The following NPAS2 variants were observed in gnomAD, a reference collection of about 807,000 sequenced individuals.
NPAS2 encodes the protein neuronal PAS domain-containing protein 2.
Under a neutral mutation model 107.5 loss-of-function variants are expected in NPAS2, and 23 were observed. The observed-to-expected ratio is 0.21, with a 90% CI of 0.15 to 0.30. The LOEUF (loss-of-function observed/expected upper bound fraction) is 0.30, where lower values mean the gene tolerates loss of function less well. NPAS2 is among the 10% of genes least tolerant of loss of function. The pLI is 1.00. For synonymous variants in NPAS2, 403 were observed against 417.5 expected (o/e 0.97, Z 0.42); for missense variants, 756 against 1,043.3 (o/e 0.72, Z 3.79).
Position 100,965,819 on chromosome 2 carries a change from G to A in NPAS2, c.907+53G>A. 8.5e-7 allele frequency: 1 copy of A among 1,177,074 alleles called. No individual in the cohort carries two copies. The highest frequency in any genetic ancestry group is 1.3e-6 in the Non-Finnish European group (1 of 794,748). The allele number at this position is 1,177,074 out of a possible 1,614,324, so 72.9% of individuals were successfully genotyped here. On this transcript the variant is annotated intron_variant, in intron 10 of 20. Transcript: ENST00000335681. The surrounding 1 kb of genome is among the most constrained non-coding windows in gnomAD (Gnocchi z 4.3). ...GGGGGCCTTGCGTTCACTCCACTGG[G>A]GCCCAGCAGCAGGGCTCTGGGACTC...
chr2:100,957,915 G>A (rs577098414), intron 7 of NPAS2, among the ~76,000 whole-genome samples: 3 of 152,056 alleles, frequency 2.0e-5, no homozygotes, highest in Non-Finnish European at 4.4e-5. Flanking sequence ...GCGACAGAGC[G>A]AAACTCAGTC....
chr2:100,904,840 G>T (rs1682037329), intron 2 of NPAS2, 54 bp downstream of exon 2: 5 of 1,358,226 alleles, frequency 3.7e-6, no homozygotes. Flanking sequence ...CCGGGGGTCT[G>T]CCTGGCAGAA....
At chr2:100,849,943 T>G (rs1678041731) in intron 1 of NPAS2, among the ~76,000 whole-genome samples, 1 of 149,666 alleles carries the variant, frequency 6.7e-6, no homozygotes, top group Admixed American at 6.7e-5. Context: ...ATGTAAAATT[T>G]TACATCTTCA....
Position 100,827,417 on chromosome 2 carries a change from A to G in NPAS2, c.-23+7003A>G, listed in dbSNP as rs548152597. 2.0e-5 allele frequency among the ~76,000 whole-genome samples: 3 copies of G among 152,310 alleles called. No homozygotes were observed. The East Asian group carries it at 5.8e-4, about 29-fold the overall frequency. ...GACTTTTATTTTAGATTCAGGGGAT[A>G]CATGTGCAGGTTTGTTACCTGGGTA... On this transcript the variant is annotated intron_variant, in intron 1 of 20. Transcript: ENST00000335681.
chr2:100,824,956 G>A (rs10084375), intron 1 of NPAS2, among the ~76,000 whole-genome samples: 1 of 151,968 alleles, frequency 6.6e-6, no homozygotes, highest in South Asian at 2.1e-4. Flanking sequence ...GGAGACGAGA[G>A]AGGGAAAGGA....
chr2:100,901,541 C>A, intron 1 of NPAS2: 2 of 985,288 alleles, frequency 2.0e-6, no homozygotes, highest in Non-Finnish European at 2.4e-6. Context: ...TCTTCCCTGA[C>A]GCTCCCCTGT....
intron 2 of NPAS2, 119 bp from the exon 3 acceptor site, chr2:100,925,027 G>GT (rs34681127): frequency 1.8e-6 from 2 of 1,113,440 alleles, no homozygotes; most frequent in Admixed American, 2.5e-5. Context: ...TCCTGAAAGA[G>GT]TTTTTTGATA....
chr2:100,853,137 T>C (rs1031762923), intron 1 of NPAS2, among the ~76,000 whole-genome samples: 3 of 152,150 alleles, frequency 2.0e-5, no homozygotes, highest in Admixed American at 6.5e-5. Context: ...AGACTATCCA[T>C]TGTGACTACA....
At chr2:100,957,904 G>A (rs1675673710) in intron 7 of NPAS2, among the ~76,000 whole-genome samples, 1 of 152,180 alleles carries the variant, frequency 6.6e-6, no homozygotes, top group Admixed American at 6.5e-5. Context: ...CTCCAGCCTG[G>A]GCGACAGAGC....
At chr2:100,933,403 G>T (rs762367629) in intron 4 of NPAS2, among the ~76,000 whole-genome samples, 8 of 152,164 alleles carry the variant, frequency 5.3e-5, no homozygotes, top group Non-Finnish European at 8.8e-5. Flanking sequence ...TTTTCCCTTA[G>T]TAGAAACACG....
chr2:100,972,791 T>A (rs1212404773), intron 12 of NPAS2: 2 of 152,194 alleles, frequency 1.3e-5, no homozygotes, highest in Non-Finnish European at 2.9e-5. Context: ...GTGTGTATCA[T>A]CCAGTCGGAA....
At chr2:100,975,888 GT>G (rs1361779576) in intron 14 of NPAS2, among the ~76,000 whole-genome samples, 2 of 152,156 alleles carry the variant, frequency 1.3e-5, no homozygotes, top group Non-Finnish European at 2.9e-5. Context: ...GGATTCTTCT[GT>G]TTTGAATCCC....
At chr2:100,966,353 G>A (rs543203521) in intron 10 of NPAS2, among the ~76,000 whole-genome samples, 18 of 152,238 alleles carry the variant, frequency 1.2e-4, no homozygotes, top group Admixed American at 2.0e-4. Context: ...CATACGAGGC[G>A]AACACATTAG....
intron 7 of NPAS2, among the ~76,000 whole-genome samples, chr2:100,957,883 G>C (rs777979694): frequency 6.6e-6 from 1 of 152,130 alleles, no homozygotes; most frequent in Non-Finnish European, 1.5e-5. Flanking sequence ...AGCTGAGATC[G>C]CGCCACTGCA....
At chr2:100,918,259 A>G (rs2104850934) in intron 2 of NPAS2, among the ~76,000 whole-genome samples, 1 of 152,276 alleles carries the variant, frequency 6.6e-6, no homozygotes, top group South Asian at 2.1e-4. Context: ...CAATACTGAA[A>G]TTATAAATCT....
rs1678045488 is a variant in NPAS2, at chr2:100,990,455, C to T, written c.2018+9C>T. 6.2e-7 allele frequency: 1 copy of T among 1,613,962 alleles called. No individual in the cohort carries two copies. Among genetic ancestry groups the T allele is most frequent in the South Asian group, 1.1e-5 (1 of 91,074 alleles). On this transcript the variant is annotated intron_variant, in intron 18 of 20. Transcript: ENST00000335681. ...CATGATCGGCAGCTCAGGTACGAGA[C>T]TGCCCTTGTTTAAAGGATAACCCAG...
chr2:100,866,421 C>T (rs778498430), intron 1 of NPAS2, among the ~76,000 whole-genome samples: 4 of 152,210 alleles, frequency 2.6e-5, no homozygotes, highest in Non-Finnish European at 5.9e-5. Flanking sequence ...TGAGCAAGCC[C>T]AGATATGTCC....
chr2:100,984,975 T>G (rs140882756), intron 16 of NPAS2: 76 of 152,366 alleles, frequency 5.0e-4, no homozygotes, highest in African/African-American at 1.8e-3. Context: ...ACAAGAGCTG[T>G]TGTGCTGAAA....
intron 5 of NPAS2, among the ~76,000 whole-genome samples, chr2:100,945,740 G>A (rs985170015): frequency 3.9e-5 from 6 of 152,176 alleles, no homozygotes; most frequent in Non-Finnish European, 8.8e-5. Context: ...CCCCCTGGCT[G>A]GAGCACCTTC....
Sources: gnomAD v4.1 joint callset for allele counts (sites outside exome capture counted in the v4.1 genomes callset) on GRCh38, gnomAD v4.1.1 for gene constraint, Gnocchi (gnomAD v3.1) non-coding constraint, MANE v1.5 for transcripts, NCBI Gene and HGNC (gene_info 2026-07-23, HGNC 2026-07-21) for gene names.